Variants in ABCA13 observed in about 807,000 individuals in gnomAD.
The protein encoded by ABCA13 is ATP-binding cassette sub-family A member 13.
Under a neutral mutation model 478.7 loss-of-function variants are expected in ABCA13, and 476 were observed. That is an observed-to-expected ratio of 0.99 (90% CI 0.92 to 1.07). The LOEUF is 1.07. Among genes scored for constraint, ABCA13 ranks in the 50% least tolerant of loss-of-function variants. The pLI is 0.00. For synonymous variants in ABCA13, 2,252 were observed against 2,158.9 expected (o/e 1.04, Z -1.20); for missense variants, 6,060 against 5,910.6 (o/e 1.03, Z -0.83).
At chr7:48,636,581 C>T (rs549063058) in intron 59 of ABCA13, among the ~76,000 whole-genome samples, 2 of 152,306 alleles carry the variant, frequency 1.3e-5, no homozygotes, top group Admixed American at 6.5e-5. Context: ...CCTGTGCAGT[C>T]CTGCCTGGGC....
At chr7:48,431,292 A>G (rs1585292848) in intron 42 of ABCA13, among the ~76,000 whole-genome samples, 1 of 151,988 alleles carries the variant, frequency 6.6e-6, no homozygotes, top group Non-Finnish European at 1.5e-5. Context: ...CCTTGAGCCT[A>G]GATCATGCCA....
intron 51 of ABCA13, among the ~76,000 whole-genome samples, chr7:48,511,783 G>T (rs1043032964): frequency 4.6e-5 from 7 of 152,002 alleles, no homozygotes; most frequent in Non-Finnish European, 8.8e-5. Context: ...TGTCATGCAC[G>T]TATGCTTATA....
chr7:48,398,337 G>C (rs1817135200), intron 38 of ABCA13, among the ~76,000 whole-genome samples: 1 of 152,146 alleles, frequency 6.6e-6, no homozygotes, highest in Admixed American at 6.5e-5. Context: ...CAACCTTAAT[G>C]ATTATCAGCG....
intron 1 of ABCA13, among the ~76,000 whole-genome samples, chr7:48,186,941 TA>T (rs1796421814): frequency 6.6e-6 from 1 of 151,736 alleles, no homozygotes. Flanking sequence ...GGGTGTTTGG[TA>T]AATATATTAT....
At chr7:48,330,176 T>C (rs1584877876) in intron 27 of ABCA13, among the ~76,000 whole-genome samples, 1 of 151,880 alleles carries the variant, frequency 6.6e-6, no homozygotes, top group African/African-American at 2.4e-5. Context: ...TGTCTGTCCA[T>C]CCATCCGTCC....
intron 14 of ABCA13, 115 bp from the exon 15 acceptor site, chr7:48,249,092 CTTACA>C: frequency 1.3e-6 from 1 of 784,276 alleles, no homozygotes; most frequent in Middle Eastern, 4.0e-4. Flanking sequence ...ATTCTATTTC[CTTACA>C]TAAGTGGACT....
intron 41 of ABCA13, among the ~76,000 whole-genome samples, chr7:48,416,147 A>C (rs1397382842): frequency 6.6e-6 from 1 of 152,180 alleles, no homozygotes; most frequent in Admixed American, 6.5e-5. Flanking sequence ...TAAAGCCACT[A>C]TCTCCTTTAT....
intron 1 of ABCA13, among the ~76,000 whole-genome samples, chr7:48,182,933 A>C (rs1033523190): frequency 1.3e-5 from 2 of 152,196 alleles, no homozygotes; most frequent in South Asian, 2.1e-4. Context: ...AGTGCTTAAC[A>C]ACAAGAACTT....
chr7:48,325,622 T>C lies in ABCA13; in HGVS notation c.9999+8326T>C, dbSNP rs114933755. Among the ~76,000 whole-genome samples the C allele has an allele frequency of 3.9e-3, 601 of 152,254 alleles. 7 individuals are homozygous for C. Among genetic ancestry groups the C allele is most frequent in the African/African-American group, 0.014 (570 of 41,538 alleles). On this transcript the variant is annotated intron_variant, in intron 27 of 61. Transcript: ENST00000435803. ...CAGTGTCCATTTTGTTATTAGCCAATGTATCAGTCAAGGTTCAAGCAGAAA... is the reference window on the plus strand; with the variant it reads ...CAGTGTCCATTTTGTTATTAGCCAACGTATCAGTCAAGGTTCAAGCAGAAA...
intron 20 of ABCA13, among the ~76,000 whole-genome samples, chr7:48,289,407 G>A (rs1798205275): frequency 6.8e-6 from 1 of 146,906 alleles, no homozygotes; most frequent in African/African-American, 2.5e-5. Context: ...TGCCTGGGCT[G>A]GAGTGCAATG....
At chr7:48,324,559 AC>A (rs1251052574) in intron 27 of ABCA13, among the ~76,000 whole-genome samples, 5 of 152,182 alleles carry the variant, frequency 3.3e-5, no homozygotes, top group East Asian at 1.9e-4. Flanking sequence ...AAACTTGTGA[AC>A]CCTGTCCTTA....
Position 48,279,063 on chromosome 7 carries a change from A to T in ABCA13, c.7869A>T (p.Ser2623=), listed in dbSNP as rs932181376. The T allele has an allele frequency of 1.2e-6, 2 of 1,612,286 alleles. No homozygotes were observed. Among genetic ancestry groups the T allele is most frequent in the Non-Finnish European group, 1.7e-6 (2 of 1,179,262 alleles). The change falls in exon 18 of 62, where the codon TCA becomes TCT. Residue 2623 remains serine (S), a synonymous_variant. Transcript: ENST00000435803. The stretch of plus-strand genomic sequence containing the variant: ...TCAGTATGTCACCTAGCATACTCTC[A>T]TATATGAACCAATCTAAGGACTTTT... ...DIFSMSPSIL[S]YMNQSKDFSD... is the part of the protein sequence containing the mutation.
intron 59 of ABCA13, among the ~76,000 whole-genome samples, chr7:48,642,642 C>T (rs1271655891): frequency 9.9e-5 from 15 of 152,046 alleles, no homozygotes; most frequent in Admixed American, 2.6e-4. Flanking sequence ...CCCCTACATT[C>T]CTGGAGATTG....
intron 1 of ABCA13, among the ~76,000 whole-genome samples, chr7:48,187,143 C>A (rs1015046576): frequency 6.7e-6 from 1 of 150,024 alleles, no homozygotes; most frequent in Non-Finnish European, 1.5e-5. Flanking sequence ...AGCTGTGTGT[C>A]ATTTTTTTTA....
intron 57 of ABCA13, among the ~76,000 whole-genome samples, chr7:48,591,849 A>T (rs1370539640): frequency 7.2e-5 from 11 of 151,844 alleles, no homozygotes; most frequent in African/African-American, 2.2e-4. Context: ...TTGTTTATTA[A>T]TTCTAATGGA....
intron 44 of ABCA13, 47 bp from the exon 45 acceptor site, chr7:48,471,483 C>A: frequency 1.3e-6 from 2 of 1,481,904 alleles, no homozygotes; most frequent in Non-Finnish European, 1.8e-6. Flanking sequence ...AATACAATGG[C>A]TTTGTAAATC....
rs186535344 is a variant in ABCA13 at position 48,317,160 on chromosome 7, C to T, written c.9863C>T (p.Pro3288Leu). The change falls in exon 27 of 62, where the codon CCG (proline) becomes CTG (leucine). Residue 3288 changes from proline (P) to leucine (L), a missense_variant. Transcript: ENST00000435803. ...EKFNIPEDST[P>L]FCLKLYQEIL... ...TTTTTCTTTCTAATTGCAACAGCAC[C>T]GTTTTGCTTGAAGCTTTATCAGGAA... The T allele has an allele frequency of 2.1e-4, 332 of 1,610,414 alleles. No homozygotes were observed. Among genetic ancestry groups the T allele is most frequent in the Non-Finnish European group, 2.6e-4 (304 of 1,178,938 alleles).
rs993284068 is a variant in ABCA13 at position 48,273,486 on chromosome 7, G to A, written c.3820G>A (p.Glu1274Lys). 5 of 1,604,068 alleles carry A rather than the reference G, an allele frequency of 3.1e-6. No individual in the cohort carries two copies. The highest frequency in any genetic ancestry group is 3.4e-6 in the Non-Finnish European group (4 of 1,174,360). ...TCAGTTGAAGACATTTCCATTCAACGAAAGTACAAGCAGAGAGTTTTTAAA... is the reference window on the plus strand; with the variant it reads ...TCAGTTGAAGACATTTCCATTCAACAAAAGTACAAGCAGAGAGTTTTTAAA... ...LHQLKTFPFN[E>K]STSREFLNSL... Residue 1274 changes from glutamate (E) to lysine (K), a missense_variant, in exon 17 of 62, where the codon GAA (glutamate) becomes AAA (lysine). By Grantham distance (56) the Glu-to-Lys change is moderately conservative (BLOSUM62 1). This residue lies in a region of ABCA13 where 4,423 missense variants were observed against 4,309.1 expected (regional missense o/e 1.03). Coordinates refer to ENST00000435803, the MANE Select transcript of ABCA13 (RefSeq NM_152701.5).
Position 48,568,238 on chromosome 7 carries a change from G to A in ABCA13, c.14355-11986G>A, listed in dbSNP as rs531121931. 9.9e-5 allele frequency among the ~76,000 whole-genome samples: 15 copies of A among 152,080 alleles called. No homozygotes were observed. The East Asian group carries it at 2.9e-3, about 29-fold the overall frequency. On this transcript the variant is annotated intron_variant, in intron 55 of 61. Transcript: ENST00000435803. The stretch of plus-strand genomic sequence containing the variant: ...TTACTTTCTATCTCCATGGATTTGA[G>A]TATCCTGGAAATTCCATATAAATAG...
Sources: gnomAD v4.1 joint callset for allele counts (sites outside exome capture counted in the v4.1 genomes callset) on GRCh38, gnomAD v4.1.1 for gene constraint, gnomAD v4.1.1 regional missense constraint, MANE v1.5 for transcripts, NCBI Gene and HGNC (gene_info 2026-07-23, HGNC 2026-07-21) for gene names.